ROBO1: variants seen among roughly 807,000 people sequenced by gnomAD.
ROBO1 encodes roundabout guidance receptor 1.
ROBO1 carries 149 observed loss-of-function variants against 195.9 expected under a neutral mutation model. That is an observed-to-expected ratio of 0.76 (90% confidence interval 0.67 to 0.87). The LOEUF (loss-of-function observed/expected upper bound fraction) is 0.87, where lower values mean the gene tolerates loss of function less well. Among genes scored for constraint, ROBO1 ranks in the 40% least tolerant of loss-of-function variants. ROBO1 has a pLI of 0.00. For missense variants in ROBO1, 1,933 were observed against 2,068.3 expected (o/e 0.93, Z 1.27); for synonymous variants, 816 against 733.2 (o/e 1.11, Z -1.82).
At chr3:78,974,515 A>G (rs1027039614) in intron 3 of ROBO1, among the ~76,000 whole-genome samples, 2 of 152,112 alleles carry the variant, frequency 1.3e-5, no homozygotes, top group Non-Finnish European at 2.9e-5. Flanking sequence ...AACTCAATAT[A>G]CGAAAAAAAG....
chr3:79,063,597 A>G (rs896365877), intron 3 of ROBO1, among the ~76,000 whole-genome samples: 9 of 151,038 alleles, frequency 6.0e-5, no homozygotes, highest in Non-Finnish European at 1.3e-4. Flanking sequence ...TCCTCATTTT[A>G]CCTGGCCTTT....
At chr3:78,774,388 G>T (rs1031320173) in intron 4 of ROBO1, among the ~76,000 whole-genome samples, 1 of 151,282 alleles carries the variant, frequency 6.6e-6, no homozygotes, top group Non-Finnish European at 1.5e-5. Context: ...TCGGCTCACC[G>T]CAAGCTACGC....
intron 1 of ROBO1, among the ~76,000 whole-genome samples, chr3:79,699,375 T>C (rs1049013362): frequency 5.3e-5 from 8 of 151,702 alleles, no homozygotes; most frequent in African/African-American, 1.9e-4. Context: ...TCCAGGTTTG[T>C]CTGACATCTG....
intron 3 of ROBO1, among the ~76,000 whole-genome samples, chr3:79,094,430 T>A (rs1168924115): frequency 6.6e-6 from 1 of 152,122 alleles, no homozygotes; most frequent in East Asian, 1.9e-4. Flanking sequence ...AAGTACTGCA[T>A]GGACATCCTT....
intron 3 of ROBO1, among the ~76,000 whole-genome samples, chr3:78,982,457 A>C (rs1287969926): frequency 6.6e-6 from 1 of 152,124 alleles, no homozygotes; most frequent in Non-Finnish European, 1.5e-5. Flanking sequence ...CATCATACAC[A>C]CGTCTATAAA....
intron 3 of ROBO1, among the ~76,000 whole-genome samples, chr3:79,062,028 C>T (rs2078927630): frequency 6.6e-6 from 1 of 152,060 alleles, no homozygotes; most frequent in Non-Finnish European, 1.5e-5. Context: ...AGAGCTTCTG[C>T]ACAGGAAAAT....
At chr3:78,709,010 A>C (rs1370146730) in intron 8 of ROBO1, among the ~76,000 whole-genome samples, 1 of 152,180 alleles carries the variant, frequency 6.6e-6, no homozygotes, top group Non-Finnish European at 1.5e-5. Context: ...TCACAAAAAG[A>C]TTTCTTGAAA....
Position 79,668,296 on chromosome 3 carries a change from AG to A in ROBO1, c.-50-78336del, listed in dbSNP as rs557704492. 5.7e-3 allele frequency among the ~76,000 whole-genome samples: 865 copies of A among 151,734 alleles called. 6 individuals are homozygous for A. The highest frequency in any genetic ancestry group is 0.018 in the African/African-American group (748 of 41,478). On this transcript the variant is annotated intron_variant, in intron 1 of 30. Transcript: ENST00000464233. ...GGAAGCATGGTTCCTTCCATGAAAA[AG>A]CACAGTCCTCCATACTAAACACCAT...
chr3:78,839,432 G>T (rs904958352), intron 4 of ROBO1, among the ~76,000 whole-genome samples: 2 of 131,152 alleles, frequency 1.5e-5, no homozygotes, highest in Non-Finnish European at 3.4e-5. Flanking sequence ...TATGAAAAAA[G>T]AATATTTTTT....
At chr3:78,756,308 C>T (rs77009248) in intron 4 of ROBO1, among the ~76,000 whole-genome samples, 5,243 of 152,078 alleles carry the variant, frequency 0.034, 110 homozygotes, top group Non-Finnish European at 0.047. Context: ...AGCTCAATAA[C>T]ATATTAAATC....
chr3:79,141,572 T>G (rs2080527579), intron 2 of ROBO1, among the ~76,000 whole-genome samples: 1 of 151,372 alleles, frequency 6.6e-6, no homozygotes, highest in Non-Finnish European at 1.5e-5. Context: ...TTGTTGTTTT[T>G]TTTTTTTTTC....
chr3:79,382,024 C>A (rs967919799), intron 2 of ROBO1, among the ~76,000 whole-genome samples: 11 of 152,056 alleles, frequency 7.2e-5, no homozygotes, highest in African/African-American at 2.2e-4. Context: ...ATTTCTACTG[C>A]CACCAGTCTA....
At chr3:79,316,249 A>T (rs2033732998) in intron 2 of ROBO1, among the ~76,000 whole-genome samples, 1 of 152,184 alleles carries the variant, frequency 6.6e-6, no homozygotes, top group Non-Finnish European at 1.5e-5. Flanking sequence ...AGGAGGTTCA[A>T]GAATGGAAAT....
intron 30 of ROBO1, among the ~76,000 whole-genome samples, 196 bp from the exon 31 acceptor site, chr3:78,599,123 A>C (rs1703014082): frequency 6.6e-6 from 1 of 152,178 alleles, no homozygotes; most frequent in South Asian, 2.1e-4. Flanking sequence ...AACAAGTACC[A>C]AACTGGGTTC....
At chr3:78,707,947 C>T (rs2081592734) in intron 8 of ROBO1, among the ~76,000 whole-genome samples, 1 of 152,098 alleles carries the variant, frequency 6.6e-6, no homozygotes, top group African/African-American at 2.4e-5. Context: ...AAGGTGATGG[C>T]TTGGGAAATG....
At chr3:79,338,375 G>T (rs1254657448) in intron 2 of ROBO1, among the ~76,000 whole-genome samples, 1 of 152,010 alleles carries the variant, frequency 6.6e-6, no homozygotes, top group African/African-American at 2.4e-5. Context: ...TCTTGTAAGT[G>T]CCTATTTGCC....
intron 1 of ROBO1, among the ~76,000 whole-genome samples, chr3:79,677,376 T>G (rs1946814439): frequency 6.6e-6 from 1 of 151,914 alleles, no homozygotes; most frequent in Non-Finnish European, 1.5e-5. Flanking sequence ...AACTCATAGT[T>G]TCACGTGGCT....
At chr3:79,107,134 C>A (rs1490540890) in intron 3 of ROBO1, among the ~76,000 whole-genome samples, 2 of 149,280 alleles carry the variant, frequency 1.3e-5, no homozygotes, top group African/African-American at 4.9e-5. Context: ...CTCTCACACA[C>A]ACACACACAC....
intron 2 of ROBO1, among the ~76,000 whole-genome samples, chr3:79,265,912 A>C (rs1215099421): frequency 2.0e-5 from 3 of 151,538 alleles, no homozygotes; most frequent in Non-Finnish European, 4.4e-5. Context: ...TTTATGAATG[A>C]TATAACAAAA....
Sources: gnomAD v4.1 joint callset for allele counts (sites outside exome capture counted in the v4.1 genomes callset) on GRCh38, gnomAD v4.1.1 for gene constraint, MANE v1.5 for transcripts, NCBI Gene and HGNC (gene_info 2026-07-23, HGNC 2026-07-21) for gene names.